Variants in RBM19 observed in about 807,000 individuals in gnomAD.
The protein encoded by RBM19 is probable RNA-binding protein 19.
RBM19 carries 94 observed loss-of-function variants against 116.8 expected under a neutral mutation model. The observed-to-expected ratio is 0.80, with a 90% CI of 0.68 to 0.95. The LOEUF (loss-of-function observed/expected upper bound fraction) is 0.95, where lower values mean the gene tolerates loss of function less well. Among genes scored for constraint, RBM19 ranks in the 40% least tolerant of loss-of-function variants. The probability of loss-of-function intolerance (pLI) is 0.00; values close to 1 mark genes in which losing one functional copy is unlikely to be tolerated. For missense variants in RBM19, 1,161 were observed against 1,220.7 expected (o/e 0.95, Z 0.73); for synonymous variants, 475 against 494.1 (o/e 0.96, Z 0.51).
intron 22 of RBM19, among the ~76,000 whole-genome samples, chr12:113,854,840 A>C (rs911310202): frequency 2.0e-5 from 3 of 151,996 alleles, no homozygotes; most frequent in African/African-American, 7.2e-5. Context: ...GGGGAGGGAG[A>C]CTGGATGCAA....
intron 10 of RBM19, among the ~76,000 whole-genome samples, chr12:113,948,258 C>T (rs1461979223): frequency 6.6e-6 from 1 of 152,204 alleles, no homozygotes; most frequent in Admixed American, 6.5e-5. Flanking sequence ...CCCTTCCTGC[C>T]CTTCAACAAT....
At chr12:113,915,855 A>C (rs1395203507) in intron 20 of RBM19, among the ~76,000 whole-genome samples, 1 of 152,180 alleles carries the variant, frequency 6.6e-6, no homozygotes, top group Non-Finnish European at 1.5e-5. Flanking sequence ...AGCAGCTGTT[A>C]TGATAATGAC....
chr12:113,933,405 T>C (rs981107486), intron 16 of RBM19, among the ~76,000 whole-genome samples: 3 of 151,978 alleles, frequency 2.0e-5, no homozygotes, highest in Admixed American at 6.5e-5. Context: ...GGGCTGTGCA[T>C]GTGCTGCGTG....
chr12:113,916,637 G>A (rs536326754), intron 20 of RBM19, among the ~76,000 whole-genome samples: 2 of 152,222 alleles, frequency 1.3e-5, no homozygotes, highest in Non-Finnish European at 2.9e-5. Flanking sequence ...CCCCATTCTT[G>A]GATCACTCAC....
Position 113,959,266 on chromosome 12 carries a change from C to T in RBM19, c.517G>A (p.Asp173Asn), listed in dbSNP as rs202199165. ...SKPASDYLNF[D>N]SDSGQESEEE... ...TCACTCTCCTGCCCAGAATCGGAGT[C>T]GAAGTTCAGGTAGTCACTGGCCGGC... Residue 173 changes from aspartate to asparagine, a missense_variant, in exon 5 of 24, where the codon GAC (aspartate) becomes AAC (asparagine). Asp to Asn is a conservative substitution (Grantham distance 23, BLOSUM62 1). Transcript: ENST00000261741. 232 of 1,613,608 alleles carry T rather than the reference C, an allele frequency of 1.4e-4. No individual in the cohort carries two copies. The highest frequency in any genetic ancestry group is 1.9e-4 in the Non-Finnish European group (219 of 1,179,936).
intron 23 of RBM19, among the ~76,000 whole-genome samples, chr12:113,844,260 A>G (rs74494635): frequency 0.015 from 2,208 of 152,252 alleles, 51 homozygotes; most frequent in African/African-American, 0.049. Context: ...GCCACCAGGA[A>G]GGCCGTGAGC....
chr12:113,850,443 C>T (rs776772232), intron 22 of RBM19, among the ~76,000 whole-genome samples: 6 of 152,238 alleles, frequency 3.9e-5, no homozygotes, highest in South Asian at 4.1e-4. Flanking sequence ...AGAGGCCTGG[C>T]CTCCTGCCGC....
intron 16 of RBM19, among the ~76,000 whole-genome samples, chr12:113,935,025 A>C (rs77122216): frequency 0.083 from 12,576 of 152,258 alleles, 651 homozygotes; most frequent in East Asian, 0.17. Flanking sequence ...CACGGCTCAA[A>C]GTCTGGCTGA....
intron 20 of RBM19, among the ~76,000 whole-genome samples, chr12:113,915,313 C>T (rs192472495): frequency 1.3e-5 from 2 of 152,144 alleles, no homozygotes; most frequent in African/African-American, 4.8e-5. Context: ...TGGCTGCTGA[C>T]CTTCATTTGA....
intron 1 of RBM19, 33 bp from the exon 2 acceptor site, chr12:113,962,447 T>C: frequency 1.3e-6 from 2 of 1,589,942 alleles, no homozygotes; most frequent in Non-Finnish European, 1.7e-6. Context: ...AGAGACGAAC[T>C]GGAAAGTCCC....
intron 21 of RBM19, among the ~76,000 whole-genome samples, chr12:113,870,065 TC>T (rs1456147086): frequency 6.6e-6 from 1 of 152,170 alleles, no homozygotes; most frequent in Non-Finnish European, 1.5e-5. Flanking sequence ...AGTTCCAGGA[TC>T]CTGGAAGGCT....
chr12:113,941,036 T>C (rs1193904909), intron 14 of RBM19, among the ~76,000 whole-genome samples: 2 of 152,180 alleles, frequency 1.3e-5, no homozygotes, highest in African/African-American at 2.4e-5. Flanking sequence ...CAATAAAATA[T>C]AATGGAAAAA....
chr12:113,882,345 C>T (rs1041872859), intron 21 of RBM19, among the ~76,000 whole-genome samples: 2 of 152,226 alleles, frequency 1.3e-5, no homozygotes, highest in Non-Finnish European at 2.9e-5. Context: ...GAGCAAATCA[C>T]TCACACCCTG....
Position 113,959,334 on chromosome 12 carries a change from G to A in RBM19, c.449C>T (p.Ala150Val), listed in dbSNP as rs1365747008. The A allele has an allele frequency of 5.6e-6, 9 of 1,613,580 alleles. No individual in the cohort carries two copies. The highest frequency in any genetic ancestry group is 1.3e-5 in the African/African-American group (1 of 74,898). The change falls in exon 5 of 24, where the codon GCG becomes GTG. Residue 150 changes from alanine (A) to valine (V), a missense_variant. Transcript: ENST00000261741. Reference sequence around the variant, plus strand: ...GGGCTCAGCATCCAGGCCATCATTCGCCCAAGTGGCTGCCTGCGCCCGCCT... The same window carrying A: ...GGGCTCAGCATCCAGGCCATCATTCACCCAAGTGGCTGCCTGCGCCCGCCT... ...HQRRAQAATW[A>V]NDGLDAEPSK...
At chr12:113,871,258 G>A (rs1174733248) in intron 21 of RBM19, among the ~76,000 whole-genome samples, 1 of 152,238 alleles carries the variant, frequency 6.6e-6, no homozygotes, top group Non-Finnish European at 1.5e-5. Context: ...GTCACCTATG[G>A]GAAAGCCCTT....
chr12:113,903,850 ATACT>A lies in RBM19; in HGVS notation c.2558+11115_2558+11118del, dbSNP rs765414338. On this transcript the variant is annotated intron_variant, in intron 21 of 23. Transcript: ENST00000261741. The surrounding 1 kb of genome is among the most constrained non-coding windows in gnomAD (Gnocchi z 5.1). ...TCTCTCCCTCCTAAAATAAGAGGAC[ATACT>A]TACTCACTTTACCCGTTAAAAGACA... Among the ~76,000 whole-genome samples the A allele has an allele frequency of 1.3e-5, 2 of 152,174 alleles. No homozygotes were observed. The highest frequency in any genetic ancestry group is 2.9e-5 in the Non-Finnish European group (2 of 68,020).
rs142592387 is a variant in RBM19 at position 113,879,088 on chromosome 12, C to T, written c.2559-20192G>A. ...GAGCACTTGGCTTCCCCGTCCCCGC[C>T]AGCGTTCTGCCCCTCCTGGCCACCC... On this transcript the variant is annotated intron_variant, in intron 21 of 23. Transcript: ENST00000261741. Among the ~76,000 whole-genome samples, 323 of 152,274 alleles carry T rather than the reference C, an allele frequency of 2.1e-3. 1 individual carries two copies. Among genetic ancestry groups the T allele is most frequent in the African/African-American group, 7.3e-3 (305 of 41,570 alleles).
In RBM19 at chr12:113,903,410, C is replaced by A. The variant is rs1881835367; in HGVS notation, c.2558+11559G>T. Among the ~76,000 whole-genome samples, 1 of 152,248 alleles carries A rather than the reference C, an allele frequency of 6.6e-6. No individual in the cohort carries two copies. Among genetic ancestry groups the A allele is most frequent in the Non-Finnish European group, 1.5e-5 (1 of 68,050 alleles). Reference sequence around the variant, plus strand: ...GAATACACCCCATTTTGTTTATCCACTCATCAGCTGACAGACATCTGTTTT... The same window carrying A: ...GAATACACCCCATTTTGTTTATCCAATCATCAGCTGACAGACATCTGTTTT... On this transcript the variant is annotated intron_variant, in intron 21 of 23. Transcript: ENST00000261741. The surrounding 1 kb of genome is among the most constrained non-coding windows in gnomAD (Gnocchi z 5.1).
chr12:113,965,503 A>G (rs1872797962), intron 1 of RBM19, among the ~76,000 whole-genome samples: 1 of 151,302 alleles, frequency 6.6e-6, no homozygotes, highest in Non-Finnish European at 1.5e-5. Flanking sequence ...TGGAAGGAGC[A>G]GTAATCCATT....
Sources: gnomAD v4.1 joint callset for allele counts (sites outside exome capture counted in the v4.1 genomes callset) on GRCh38, gnomAD v4.1.1 for gene constraint, Gnocchi (gnomAD v3.1) non-coding constraint, MANE v1.5 for transcripts, NCBI Gene and HGNC (gene_info 2026-07-23, HGNC 2026-07-21) for gene names.